The following OPCML variants were observed in gnomAD, a reference collection of about 807,000 sequenced individuals.
OPCML encodes the protein opioid binding protein/cell adhesion molecule like.
In OPCML, 13 loss-of-function variants were observed where a neutral mutation model predicts 37.8. The observed-to-expected ratio is 0.34, with a 90% CI of 0.22 to 0.55. The LOEUF (loss-of-function observed/expected upper bound fraction) is 0.55, where lower values mean the gene tolerates loss of function less well. Among genes scored for constraint, OPCML ranks in the 20% least tolerant of loss-of-function variants. The pLI is 0.91. For missense variants in OPCML, 341 were observed against 435.6 expected, an observed-to-expected ratio of 0.78 and a Z score of 1.93; for synonymous variants, 176 against 168.8, an observed-to-expected ratio of 1.04 and a Z score of -0.33.
At chr11:132,578,883 G>A (rs1163119772) in intron 3 of OPCML, among the ~76,000 whole-genome samples, 1 of 151,974 alleles carries the variant, frequency 6.6e-6, no homozygotes, top group African/African-American at 2.4e-5. Flanking sequence ...GTCACACTTG[G>A]GTTTTACCCT....
chr11:133,000,601 C>T (rs1325215621), intron 1 of OPCML, among the ~76,000 whole-genome samples: 2 of 152,176 alleles, frequency 1.3e-5, no homozygotes, highest in Non-Finnish European at 2.9e-5. Context: ...TGACAAAATC[C>T]TCCAGGAAGT....
rs140674880 is a variant in OPCML, at chr11:133,371,818, C to G, written c.61+160446G>C. Among the ~76,000 whole-genome samples the G allele has an allele frequency of 7.1e-3, 1,088 of 152,252 alleles. 14 individuals carry two copies. Among genetic ancestry groups the G allele is most frequent in the African/African-American group, 0.025 (1,045 of 41,540 alleles). ...TGCTAATTACAGAAGTAATTCTATACGTACTGGAATACTATTTGGCCATTA... is the reference window on the plus strand; with the variant it reads ...TGCTAATTACAGAAGTAATTCTATAGGTACTGGAATACTATTTGGCCATTA... On this transcript the variant is annotated intron_variant, in intron 1 of 7. Coordinates refer to ENST00000524381, the MANE Select transcript of OPCML (RefSeq NM_001012393.5).
At chr11:132,905,837 T>G (rs932480168) in intron 2 of OPCML, among the ~76,000 whole-genome samples, 1 of 152,208 alleles carries the variant, frequency 6.6e-6, no homozygotes, top group Non-Finnish European at 1.5e-5. Context: ...ACCATTGTTT[T>G]GAGAATTAAA....
intron 1 of OPCML, among the ~76,000 whole-genome samples, chr11:132,989,602 CGTGTGT>C (rs72145712): frequency 0.033 from 4,626 of 139,386 alleles, 152 homozygotes; most frequent in African/African-American, 0.085. Context: ...GGTCCTAGAG[CGTGTGT>C]GTGTGTGTGT....
chr11:133,427,401 T>C (rs1236201059), intron 1 of OPCML, among the ~76,000 whole-genome samples: 1 of 102,670 alleles, frequency 9.7e-6, no homozygotes, highest in African/African-American at 3.9e-5. Context: ...GAAGCCACTT[T>C]GCAGAGCGGG....
At chr11:133,481,461 A>AAAT (rs1947370201) in intron 1 of OPCML, among the ~76,000 whole-genome samples, 2 of 151,772 alleles carry the variant, frequency 1.3e-5, no homozygotes, top group South Asian at 4.2e-4. Flanking sequence ...ATAAATAAAT[A>AAAT]AATAAATAAA....
At chr11:133,289,096 T>G (rs1942386111) in intron 1 of OPCML, among the ~76,000 whole-genome samples, 1 of 152,202 alleles carries the variant, frequency 6.6e-6, no homozygotes, top group African/African-American at 2.4e-5. Flanking sequence ...AGACCAGAAT[T>G]ATCCGAGGAT....
intron 1 of OPCML, among the ~76,000 whole-genome samples, chr11:133,482,924 A>G (rs1947410210): frequency 6.6e-6 from 1 of 152,212 alleles, no homozygotes; most frequent in African/African-American, 2.4e-5. Context: ...ATTTGATCAC[A>G]TTGAAATTAA....
At chr11:133,284,634 A>G (rs551049845) in intron 1 of OPCML, among the ~76,000 whole-genome samples, 1 of 152,254 alleles carries the variant, frequency 6.6e-6, no homozygotes, top group African/African-American at 2.4e-5. Flanking sequence ...ACTTATTACC[A>G]TCTTGTGGTA....
At chr11:132,867,968 A>C (rs1256159599) in intron 2 of OPCML, among the ~76,000 whole-genome samples, 4 of 152,194 alleles carry the variant, frequency 2.6e-5, no homozygotes, top group African/African-American at 9.7e-5. Flanking sequence ...GTGACAAAGA[A>C]GTTCTCTCGG....
intron 2 of OPCML, among the ~76,000 whole-genome samples, chr11:132,837,837 G>A (rs955132488): frequency 5.3e-5 from 8 of 152,158 alleles, no homozygotes; most frequent in Admixed American, 3.9e-4. Context: ...GGAGCTAAGC[G>A]GGTCAGTACC....
At chr11:132,853,545 G>A (rs564904014) in intron 2 of OPCML, among the ~76,000 whole-genome samples, 73 of 152,004 alleles carry the variant, frequency 4.8e-4, no homozygotes, top group Non-Finnish European at 1.0e-3. Flanking sequence ...CAACTATTAC[G>A]GCAATCTTAT....
At chr11:133,140,946 CGACGAAGAAGAAGAAGAAGAA>C in intron 1 of OPCML, among the ~76,000 whole-genome samples, 1 of 4,658 alleles carries the variant, frequency 2.1e-4, no homozygotes, top group African/African-American at 4.0e-4. Context: ...AAGAAGAAGA[CGACGAAGAAGAAGAAGAAGAA>C]GAAGAAGAAG....
intron 2 of OPCML, among the ~76,000 whole-genome samples, chr11:132,768,620 C>T (rs903438925): frequency 6.6e-6 from 1 of 152,188 alleles, no homozygotes; most frequent in Non-Finnish European, 1.5e-5. Context: ...GATTTACTCT[C>T]AGTGTTACTC....
At chr11:132,687,297 A>G (rs1943198536) in intron 2 of OPCML, among the ~76,000 whole-genome samples, 1 of 143,864 alleles carries the variant, frequency 7.0e-6, no homozygotes, top group Admixed American at 7.1e-5. Flanking sequence ...GTTGATTTGA[A>G]TGCTCTGCTC....
chr11:133,443,804 G>A (rs1299040162), intron 1 of OPCML, among the ~76,000 whole-genome samples: 8 of 148,088 alleles, frequency 5.4e-5, no homozygotes, highest in Admixed American at 5.3e-4. Flanking sequence ...CACACACCCT[G>A]TGTTTAGAAA....
At chr11:132,429,034 GGGAT>G (rs71477763) in intron 7 of OPCML, among the ~76,000 whole-genome samples, 4,735 of 146,536 alleles carry the variant, frequency 0.032, 222 homozygotes, top group East Asian at 0.18. Context: ...AATGGATGGA[GGGAT>G]GGATGGATGG....
chr11:133,005,832 G>A, intron 1 of OPCML: 2 of 985,352 alleles, frequency 2.0e-6, no homozygotes, highest in Non-Finnish European at 2.4e-6. Flanking sequence ...GAAAGAGGCT[G>A]CTCTTTGCTG....
At chr11:133,002,868 G>T (rs1445662613) in intron 1 of OPCML, among the ~76,000 whole-genome samples, 1 of 152,094 alleles carries the variant, frequency 6.6e-6, no homozygotes, top group East Asian at 1.9e-4. Context: ...TTTGCACAAT[G>T]CTGGGCAGTT....
Sources: gnomAD v4.1 joint callset for allele counts (sites outside exome capture counted in the v4.1 genomes callset) on GRCh38, gnomAD v4.1.1 for gene constraint, MANE v1.5 for transcripts, NCBI Gene and HGNC (gene_info 2026-07-23, HGNC 2026-07-21) for gene names.